The following TXNRD2 variants were observed in gnomAD, a reference collection of about 807,000 sequenced individuals.
TXNRD2 encodes the protein thioredoxin reductase 2, mitochondrial.
A neutral mutation model predicts 70.8 loss-of-function variants in TXNRD2; 67 were observed. The observed-to-expected ratio is 0.95, with a 90% CI of 0.78 to 1.16. TXNRD2 has a LOEUF of 1.16. Ranked by LOEUF, TXNRD2 falls within the 50% of genes most tolerant of loss-of-function variation. The pLI is 0.00. For synonymous variants in TXNRD2, 301 were observed against 295.8 expected, an observed-to-expected ratio of 1.02 and a Z score of -0.18; for missense variants, 644 against 719.9, an observed-to-expected ratio of 0.89 and a Z score of 1.21.
chr22:19,894,848 T>G, intron 11 of TXNRD2: 1 of 473,902 alleles, frequency 2.1e-6, no homozygotes, highest in Non-Finnish European at 3.6e-6. Flanking sequence ...ATTAGTCAGG[T>G]GTAGTGGTGG....
intron 4 of TXNRD2, 135 bp from the exon 5 acceptor site, chr22:19,918,352 C>G: frequency 1.2e-6 from 1 of 806,746 alleles, no homozygotes; most frequent in Non-Finnish European, 2.0e-6. Context: ...GGTGGCAAAA[C>G]GTGACATCCA....
intron 11 of TXNRD2, among the ~76,000 whole-genome samples, chr22:19,891,262 C>T (rs2145958458): frequency 6.6e-6 from 1 of 152,360 alleles, no homozygotes; most frequent in South Asian, 2.1e-4. Flanking sequence ...GCCACCCTCC[C>T]TGGCACTCAG....
At chr22:19,886,846 C>T (rs1433912887) in intron 11 of TXNRD2, among the ~76,000 whole-genome samples, 2 of 152,218 alleles carry the variant, frequency 1.3e-5, no homozygotes, top group Non-Finnish European at 2.9e-5. Flanking sequence ...GACAGGCACT[C>T]TCAAGGCTCT....
intron 4 of TXNRD2, among the ~76,000 whole-genome samples, chr22:19,918,641 G>A (rs1300351428): frequency 3.3e-5 from 5 of 152,218 alleles, no homozygotes; most frequent in African/African-American, 1.2e-4. Flanking sequence ...AGCATCCCTG[G>A]GCTCCCCGCA....
At chr22:19,920,979 T>C (rs951241702) in intron 2 of TXNRD2, among the ~76,000 whole-genome samples, 3 of 150,348 alleles carry the variant, frequency 2.0e-5, no homozygotes, top group Admixed American at 1.3e-4. Flanking sequence ...TGGTGGCAGG[T>C]GCCTATAGTC....
intron 1 of TXNRD2, among the ~76,000 whole-genome samples, chr22:19,937,793 TA>T: frequency 6.6e-6 from 1 of 152,142 alleles, no homozygotes; most frequent in East Asian, 1.9e-4. Context: ...GTCGTAAGGG[TA>T]AACATTGGGC....
rs79960807 is a variant in TXNRD2, at chr22:19,931,200, G to A, written c.104-102C>T. 22,273 of 1,063,648 alleles carry A rather than the reference G, an allele frequency of 0.021. 320 individuals carry two copies. Among genetic ancestry groups the A allele is most frequent in the Non-Finnish European group, 0.027 (18,716 of 695,110 alleles). The allele number at this position is 1,063,648 out of a possible 1,614,324, so 65.9% of individuals were successfully genotyped here. On this transcript the variant is annotated intron_variant, in intron 1 of 17. Coordinates refer to ENST00000400521, the MANE Select transcript of TXNRD2 (RefSeq NM_006440.5). ...GACACTCCATTCTGTGATGGTCAGG[G>A]GTGACAAGACACCACACAACAGAGC... is the stretch of plus-strand genomic sequence containing the variant.
chr22:19,886,988 A>G (rs2145948356), intron 11 of TXNRD2, among the ~76,000 whole-genome samples: 1 of 151,680 alleles, frequency 6.6e-6, no homozygotes, highest in South Asian at 2.1e-4. Context: ...CAGTCCTTAG[A>G]CTCTGTTCCT....
chr22:19,895,821 C>T (rs1695490405), intron 10 of TXNRD2, among the ~76,000 whole-genome samples: 1 of 152,200 alleles, frequency 6.6e-6, no homozygotes. Flanking sequence ...CCTGTGGGCT[C>T]CTCTCTAGAT....
chr22:19,877,706 C>T (rs1938572791), intron 16 of TXNRD2, among the ~76,000 whole-genome samples: 1 of 152,228 alleles, frequency 6.6e-6, no homozygotes, highest in Admixed American at 6.5e-5. Flanking sequence ...ACCCCGAAAA[C>T]ACACAGCCTG....
intron 11 of TXNRD2, among the ~76,000 whole-genome samples, chr22:19,890,221 G>C (rs1601401184): frequency 6.6e-6 from 1 of 152,268 alleles, no homozygotes; most frequent in East Asian, 1.9e-4. Flanking sequence ...TGGTGTGGAG[G>C]GGAAGGCCGC....
chr22:19,884,876 G>C (rs893480179), intron 11 of TXNRD2, among the ~76,000 whole-genome samples: 17 of 152,144 alleles, frequency 1.1e-4, no homozygotes, highest in Non-Finnish European at 1.5e-4. Flanking sequence ...GCAGCCCCTC[G>C]TGGCTGCCTG....
intron 8 of TXNRD2, among the ~76,000 whole-genome samples, chr22:19,901,746 C>T (rs969407458): frequency 5.9e-5 from 9 of 152,144 alleles, no homozygotes; most frequent in East Asian, 3.9e-4. Flanking sequence ...AGGCCATTCA[C>T]GGCCCAGCAG....
chr22:19,897,974 G>C (rs1569083042), intron 10 of TXNRD2, 65 bp downstream of exon 10: 2 of 1,371,242 alleles, frequency 1.5e-6, no homozygotes, highest in Non-Finnish European at 2.0e-6. Flanking sequence ...GCACCTGCCT[G>C]GGAGGGGGCT....
intron 2 of TXNRD2, among the ~76,000 whole-genome samples, chr22:19,929,326 C>CAAAAA (rs34528546): frequency 1.2e-5 from 1 of 84,422 alleles, no homozygotes. Context: ...GACTCCATCT[C>CAAAAA]AAAAAAAAAA....
rs193022578 is a variant in TXNRD2, at chr22:19,908,404, C to T, written c.662+2973G>A. On this transcript the variant is annotated intron_variant, in intron 8 of 17. Transcript: ENST00000400521. The stretch of plus-strand genomic sequence containing the variant: ...TAAAGCGTATAAGACCACCTCACAG[C>T]CACTAGGATGGCCACTGTCAAAAAA... Among the ~76,000 whole-genome samples, 341 of 152,162 alleles carry T rather than the reference C, an allele frequency of 2.2e-3. 1 individual carries two copies. Among genetic ancestry groups the T allele is most frequent in the Admixed American group, 5.2e-3 (79 of 15,284 alleles).
intron 1 of TXNRD2, among the ~76,000 whole-genome samples, chr22:19,938,824 A>T (rs1043450629): frequency 1.3e-5 from 2 of 152,204 alleles, no homozygotes; most frequent in East Asian, 3.9e-4. Context: ...AAATTACTAA[A>T]CCTCTTCAAG....
chr22:19,918,819 T>C lies in TXNRD2; in HGVS notation c.374+41A>G, dbSNP rs1175697717. Reference sequence around the variant, plus strand: ...CTCCTCTTCCTCTTCCACCCAAGAGTAGAAGAAAAGCACTGGAATGCCACG... The same window carrying C: ...CTCCTCTTCCTCTTCCACCCAAGAGCAGAAGAAAAGCACTGGAATGCCACG... On this transcript the variant is annotated intron_variant, in intron 4 of 17. Transcript: ENST00000400521. 3 of 1,599,994 alleles carry C rather than the reference T, an allele frequency of 1.9e-6. 1 individual carries two copies. The Admixed American group carries it at 5.0e-5, about 27-fold the overall frequency.
chr22:19,901,453 A>C (rs550630647), intron 8 of TXNRD2, among the ~76,000 whole-genome samples: 1 of 152,114 alleles, frequency 6.6e-6, no homozygotes, highest in African/African-American at 2.4e-5. Flanking sequence ...CTCTCAACAA[A>C]AGCTCACGTC....
Sources: gnomAD v4.1 joint callset for allele counts (sites outside exome capture counted in the v4.1 genomes callset) on GRCh38, gnomAD v4.1.1 for gene constraint, MANE v1.5 for transcripts, NCBI Gene and HGNC (gene_info 2026-07-23, HGNC 2026-07-21) for gene names.